Variants in GSE1 observed in about 807,000 individuals in gnomAD.
The protein encoded by GSE1 is genetic suppressor element 1.
Under a neutral mutation model 112.6 loss-of-function variants are expected in GSE1, and 32 were observed. That is an observed-to-expected ratio of 0.28 (90% CI 0.21 to 0.38). GSE1 has a LOEUF of 0.38. GSE1 is among the 10% of genes least tolerant of loss of function. The pLI, the probability that GSE1 is intolerant of heterozygous loss-of-function variation, is 1.00. For missense variants in GSE1, 2,348 were observed against 1,699.2 expected, an observed-to-expected ratio of 1.38 and a Z score of -6.71; for synonymous variants, 1,115 against 735.6, an observed-to-expected ratio of 1.52 and a Z score of -8.35.
At chr16:85,665,483 G>T (rs555037030) in intron 12 of GSE1, among the ~76,000 whole-genome samples, 1 of 152,202 alleles carries the variant, frequency 6.6e-6, no homozygotes, top group Non-Finnish European at 1.5e-5. Context: ...CTTAGTGCCC[G>T]CAGCCTGGTC....
chr16:85,660,600 C>G (rs2052347693), intron 8 of GSE1, among the ~76,000 whole-genome samples: 1 of 152,236 alleles, frequency 6.6e-6, no homozygotes, highest in African/African-American at 2.4e-5. Context: ...GCTTGCCCCA[C>G]TGCACTCCTG....
At chr16:85,326,122 C>A (rs1246401500) in intron 1 of GSE1, among the ~76,000 whole-genome samples, 2 of 152,134 alleles carry the variant, frequency 1.3e-5, no homozygotes, top group African/African-American at 2.4e-5. Flanking sequence ...TCTACTTTAA[C>A]AAGATCCTTG....
upstream of GSE1, among the ~76,000 whole-genome samples, chr16:85,552,621 C>T (rs141361804): frequency 9.2e-5 from 14 of 152,342 alleles, no homozygotes; most frequent in African/African-American, 2.9e-4. Flanking sequence ...CGTGAGCCAC[C>T]GCGCTCAGTC....
Position 85,231,123 on chromosome 16 carries a change from TGGATGGAA to T in GSE1, c.2283+59324_2283+59331del, listed in dbSNP as rs61192139. Among the ~76,000 whole-genome samples the T allele has an allele frequency of 1.2e-3, 129 of 111,630 alleles. 9 individuals are homozygous for T. Among genetic ancestry groups the T allele is most frequent in the African/African-American group, 4.9e-3 (123 of 25,094 alleles). 73.2% of individuals were successfully genotyped at this position (111,630 alleles called of 152,430 possible). A position where few individuals can be genotyped will look rare whatever the true frequency, so the allele number is the denominator to read the frequency against. On this transcript the variant is annotated intron_variant, in intron 1 of 2. Coordinates refer to the GSE1 transcript ENST00000637419. ...ACAGATGAATGGATGGATGAAAGGA[TGGATGGAA>T]GGATGGATGGATGGATGGAAGGATG...
intron 8 of GSE1, chr16:85,659,342 C>T (rs1436529776): frequency 6.6e-6 from 1 of 152,168 alleles, no homozygotes; most frequent in African/African-American, 2.4e-5. Flanking sequence ...TCCAGACATC[C>T]TGTGAGTATA....
intron 2 of GSE1, among the ~76,000 whole-genome samples, chr16:85,465,201 G>A (rs960178668): frequency 6.6e-6 from 1 of 152,218 alleles, no homozygotes; most frequent in Non-Finnish European, 1.5e-5. Context: ...GCGGTTGGGT[G>A]GGAATCCTGG....
chr16:85,341,428 C>T (rs1597438758), intron 1 of GSE1, among the ~76,000 whole-genome samples: 2 of 152,182 alleles, frequency 1.3e-5, no homozygotes, highest in East Asian at 1.9e-4. Flanking sequence ...GAGGCCAAGT[C>T]GGGTGGATCA....
At chr16:85,663,869 C>T (rs556494623) in intron 11 of GSE1, among the ~76,000 whole-genome samples, 2 of 152,400 alleles carry the variant, frequency 1.3e-5, no homozygotes, top group South Asian at 2.1e-4. Context: ...ATCCATCTCC[C>T]AGCGCCCGAG....
At chr16:85,664,238 C>T (rs974342911) in intron 11 of GSE1, among the ~76,000 whole-genome samples, 5 of 152,254 alleles carry the variant, frequency 3.3e-5, no homozygotes, top group African/African-American at 7.2e-5. Flanking sequence ...CAGATGTTGA[C>T]GTTCCTGGCC....
chr16:85,320,832 C>G (rs2046091734), intron 1 of GSE1, among the ~76,000 whole-genome samples: 2 of 152,160 alleles, frequency 1.3e-5, no homozygotes. Flanking sequence ...GCACTGCCTT[C>G]TTGCTATTGC....
chr16:85,498,375 A>G (rs774373468), intron 2 of GSE1, among the ~76,000 whole-genome samples: 10 of 152,170 alleles, frequency 6.6e-5, no homozygotes, highest in Non-Finnish European at 1.3e-4. Context: ...ATGAACATAT[A>G]CACACATAGA....
intron 2 of GSE1, among the ~76,000 whole-genome samples, chr16:85,396,493 G>C (rs536763086): frequency 7.9e-5 from 12 of 152,374 alleles, no homozygotes; most frequent in Admixed American, 2.0e-4. Flanking sequence ...AGGAGCCGCT[G>C]TCCCGGATGC....
At chr16:85,458,702 G>T (rs906834151) in intron 2 of GSE1, among the ~76,000 whole-genome samples, 1 of 152,190 alleles carries the variant, frequency 6.6e-6, no homozygotes, top group African/African-American at 2.4e-5. Flanking sequence ...CCCCGCCCCA[G>T]ACCTGCTAAA....
At chr16:85,312,853 G>A (rs2151485272) in intron 1 of GSE1, among the ~76,000 whole-genome samples, 1 of 152,274 alleles carries the variant, frequency 6.6e-6, no homozygotes, top group South Asian at 2.1e-4. Flanking sequence ...GGGAGTAGCT[G>A]AAGTGTCCTC....
chr16:85,661,471 C>T lies in GSE1; in HGVS notation c.1966C>T (p.Pro656Ser), dbSNP rs147451671. Residue 656 changes from proline to serine, a missense_variant, in exon 9 of 16, where the codon CCA becomes TCA. Coordinates refer to ENST00000253458, the MANE Select transcript of GSE1 (RefSeq NM_014615.5). ...CAAGTACCAGCCACCTCCGCCGCCA[C>T]CACGAGAGGGAGGGAGCCTGGAGCA... ...LDKYQPPPPPPREGGSLEHQP... is the reference protein window; with the variant it reads ...LDKYQPPPPPSREGGSLEHQP... 1.4e-5 allele frequency: 22 copies of T among 1,611,642 alleles called. No individual in the cohort carries two copies. The East Asian group carries it at 4.9e-4, about 36-fold the overall frequency.
In GSE1 at chr16:85,500,777, C is replaced by T. The variant is rs2051333723; in HGVS notation, c.2465-133137C>T. Among the ~76,000 whole-genome samples, 3 of 152,140 alleles carry T rather than the reference C, an allele frequency of 2.0e-5. No individual in the cohort carries two copies. The South Asian group carries it at 6.2e-4, about 32-fold the overall frequency. On this transcript the variant is annotated intron_variant, in intron 2 of 2. Coordinates refer to the GSE1 transcript ENST00000637419. ...ACAACAGAAATGTATTCTCTTATGT[C>T]ATAAAGGCCCGAAGTCCCAGATCGA...
At chr16:85,484,316 C>A (rs1359598539) in intron 2 of GSE1, among the ~76,000 whole-genome samples, 1 of 152,262 alleles carries the variant, frequency 6.6e-6, no homozygotes, top group Non-Finnish European at 1.5e-5. Flanking sequence ...GCCAGCAGGA[C>A]TCAGATGGGA....
At position 85,656,424 on chromosome 16, in the gene GSE1, G is replaced by C; in HGVS notation, c.1071G>C (p.Arg357=). The C allele has an allele frequency of 1.3e-6, 2 of 1,575,426 alleles. No homozygotes were observed. Among genetic ancestry groups the C allele is most frequent in the African/African-American group, 1.4e-5 (1 of 72,642 alleles). The part of the protein sequence containing the change: ...REREREADRE[R]EKEREREREK... Reference sequence around the variant, plus strand: ...GTGAGCGTGAGGCTGACCGCGAGCGGGAGAAGGAACGTGAGCGCGAACGCG... The same window carrying C: ...GTGAGCGTGAGGCTGACCGCGAGCGCGAGAAGGAACGTGAGCGCGAACGCG... The change falls in exon 7 of 16, where the codon CGG becomes CGC. Residue 357 remains arginine (R), a synonymous_variant. Transcript: ENST00000253458.
rs1363836845 is a variant in GSE1 at position 85,665,261 on chromosome 16, C to T, written c.2758+133C>T. On this transcript the variant is annotated intron_variant, in intron 12 of 15. Coordinates refer to ENST00000253458, the MANE Select transcript of GSE1 (RefSeq NM_014615.5). ...CAGGCTGTCTTCTTCCATTCTTGTA[C>T]CAGCGTACGATTCTTGCACAGTTGT... The T allele has an allele frequency of 1.1e-5, 7 of 617,648 alleles. 1 individual carries two copies. The South Asian group carries it at 1.3e-4, about 12-fold the overall frequency. 38.3% of individuals were successfully genotyped at this position (617,648 alleles called of 1,614,324 possible). A position where few individuals can be genotyped will look rare whatever the true frequency, so the allele number is the denominator to read the frequency against.
Sources: allele counts gnomAD v4.1 joint callset (sites outside exome capture counted in the v4.1 genomes callset), GRCh38; gene constraint gnomAD v4.1.1; transcripts MANE v1.5; gene names NCBI Gene and HGNC (gene_info 2026-07-23, HGNC 2026-07-21).